Variants in AOAH observed in about 807,000 individuals in gnomAD.
AOAH encodes the protein acyloxyacyl hydrolase, also known as acyloxyacyl hydrolase (neutrophil).
In AOAH, 64 loss-of-function variants were observed where a neutral mutation model predicts 92.2. The observed-to-expected ratio is 0.69, with a 90% CI of 0.57 to 0.86. The LOEUF (loss-of-function observed/expected upper bound fraction) is 0.86, where lower values mean the gene tolerates loss of function less well. AOAH is among the 40% of genes least tolerant of loss of function. The pLI is 0.00. For synonymous variants in AOAH, 263 were observed against 254.5 expected (o/e 1.03, Z -0.32); for missense variants, 656 against 694.6 (o/e 0.94, Z 0.62).
At chr7:36,520,281 G>C (rs1267442241) in intron 20 of AOAH, among the ~76,000 whole-genome samples, 1 of 152,198 alleles carries the variant, frequency 6.6e-6, no homozygotes, top group Non-Finnish European at 1.5e-5. Context: ...AGCTGTCTTT[G>C]ATCCTCCTCT....
chr7:36,533,501 C>G (rs1463268251), intron 16 of AOAH, among the ~76,000 whole-genome samples: 2 of 152,144 alleles, frequency 1.3e-5, no homozygotes, highest in Non-Finnish European at 2.9e-5. Flanking sequence ...CCACTAAAGT[C>G]ACAGTGACCC....
In AOAH at chr7:36,516,046, C is replaced by T. The variant is rs1783677300; in HGVS notation, c.1600-2666G>A. On this transcript the variant is annotated intron_variant, in intron 20 of 20. Transcript: ENST00000617537. The surrounding 1 kb of genome is among the most constrained non-coding windows in gnomAD (Gnocchi z 5.0). ...ACACAACACATAAATACGTCACACA[C>T]ACACACACCACACACTACACACACC... Among the ~76,000 whole-genome samples, 1 of 149,984 alleles carries T rather than the reference C, an allele frequency of 6.7e-6. No individual in the cohort carries two copies.
chr7:36,573,986 T>C (rs1178109314), intron 13 of AOAH, among the ~76,000 whole-genome samples: 1 of 152,116 alleles, frequency 6.6e-6, no homozygotes, highest in Non-Finnish European at 1.5e-5. Flanking sequence ...AATAAAAACC[T>C]TGGAGAGTAA....
chr7:36,534,335 C>T (rs1172974170), intron 16 of AOAH, among the ~76,000 whole-genome samples: 1 of 152,222 alleles, frequency 6.6e-6, no homozygotes, highest in East Asian at 1.9e-4. Flanking sequence ...CGCCTGGCTC[C>T]ACCTCCAGCT....
intron 11 of AOAH, among the ~76,000 whole-genome samples, chr7:36,598,776 C>T (rs559887006): frequency 6.6e-6 from 1 of 152,062 alleles, no homozygotes; most frequent in Non-Finnish European, 1.5e-5. Flanking sequence ...TAGACCCTAG[C>T]AAAAAGAGAA....
intron 1 of AOAH, among the ~76,000 whole-genome samples, chr7:36,723,229 C>T (rs1258253994): frequency 6.6e-6 from 1 of 152,056 alleles, no homozygotes; most frequent in East Asian, 1.9e-4. Context: ...GTCTATGTGG[C>T]TCCATGGACT....
intron 2 of AOAH, among the ~76,000 whole-genome samples, chr7:36,678,600 T>TGTGTGTGTGTGTGTGTGTGCGCGCGC (rs549317369): frequency 1.1e-4 from 14 of 131,094 alleles, no homozygotes; most frequent in Admixed American, 3.1e-4. Flanking sequence ...TGTGTGTGTG[T>TGTGTGTGTGTGTGTGTGTGCGCGCGC]GCGCGCGCGC....
At chr7:36,596,932 A>G (rs1264881282) in intron 11 of AOAH, among the ~76,000 whole-genome samples, 2 of 152,194 alleles carry the variant, frequency 1.3e-5, no homozygotes, top group Non-Finnish European at 2.9e-5. Flanking sequence ...CCTAGAACAA[A>G]CAAATGTGTT....
intron 19 of AOAH, among the ~76,000 whole-genome samples, chr7:36,529,402 G>A (rs1402307113): frequency 6.6e-6 from 1 of 152,184 alleles, no homozygotes. Context: ...TTATCAAAAT[G>A]TCTCTCCCCA....
chr7:36,679,412 A>C (rs1272418814), intron 2 of AOAH, among the ~76,000 whole-genome samples: 1 of 151,492 alleles, frequency 6.6e-6, no homozygotes, highest in East Asian at 1.9e-4. Flanking sequence ...AGAGAGCTTA[A>C]GATCACAACA....
chr7:36,608,250 C>A (rs1194428463), intron 11 of AOAH, among the ~76,000 whole-genome samples: 1 of 152,236 alleles, frequency 6.6e-6, no homozygotes, highest in Non-Finnish European at 1.5e-5. Context: ...GGGGGAAGCA[C>A]ACTTACCTTC....
At chr7:36,530,941 T>A (rs115605311) in intron 18 of AOAH, among the ~76,000 whole-genome samples, 296 of 152,326 alleles carry the variant, frequency 1.9e-3, no homozygotes, top group African/African-American at 6.6e-3. Context: ...GAAATTGAGA[T>A]GTACACAGAG....
rs1783722831 is a variant in AOAH at position 36,516,470 on chromosome 7, CA to C, written c.1600-3091del. Among the ~76,000 whole-genome samples the C allele has an allele frequency of 4.2e-5, 2 of 48,192 alleles. 1 individual carries two copies. The highest frequency in any genetic ancestry group is 9.7e-5 in the Non-Finnish European group (2 of 20,528). 31.6% of individuals were successfully genotyped at this position (48,192 alleles called of 152,430 possible). On this transcript the variant is annotated intron_variant, in intron 20 of 20. Coordinates refer to ENST00000617537, the MANE Select transcript of AOAH (RefSeq NM_001637.4). This position sits in a 1 kb window ranked among gnomAD's most constrained non-coding sequence, Gnocchi z 5.0. ...ACACACACAGAAAGTGCACGGATAC[CA>C]CACACACACACACACAGAAAGCGCA...
chr7:36,657,791 A>G (rs1794978319), intron 4 of AOAH, among the ~76,000 whole-genome samples: 1 of 152,242 alleles, frequency 6.6e-6, no homozygotes, highest in African/African-American at 2.4e-5. Context: ...TAGGAAGACA[A>G]GGACATGAAA....
chr7:36,621,559 G>A (rs767925040), intron 8 of AOAH, 151 bp downstream of exon 8: 28 of 803,124 alleles, frequency 3.5e-5, no homozygotes, highest in Admixed American at 6.3e-5. Flanking sequence ...AATGAATGCC[G>A]TTCTTTTTTC....
intron 11 of AOAH, among the ~76,000 whole-genome samples, chr7:36,602,279 T>C (rs1790668453): frequency 6.6e-6 from 1 of 152,154 alleles, no homozygotes; most frequent in South Asian, 2.1e-4. Context: ...CAGCTCCTCT[T>C]AGTTTCTTTC....
chr7:36,681,868 A>G (rs1033177095), intron 2 of AOAH, among the ~76,000 whole-genome samples: 12 of 152,190 alleles, frequency 7.9e-5, no homozygotes, highest in African/African-American at 2.9e-4. Context: ...GAAAGCAGTT[A>G]CCACAAAGCT....
Position 36,513,178 on chromosome 7 carries a change from A to G in AOAH, c.*74T>C, listed in dbSNP as rs116009588. 3.6e-3 allele frequency: 5,858 copies of G among 1,613,724 alleles called. 208 individuals are homozygous for G. In the African/African-American group the frequency reaches 0.069, roughly 19 times the overall value. ...TTGGGCCTGTGACGTGGCAGCCCCC[A>G]TAGGGTTTGTGGAATGAGTTTACCC... On this transcript the variant is annotated 3_prime_UTR_variant, in exon 21 of 21. Coordinates refer to ENST00000617537, the MANE Select transcript of AOAH (RefSeq NM_001637.4).
chr7:36,615,727 G>A (rs1791824303), intron 11 of AOAH, among the ~76,000 whole-genome samples: 1 of 152,170 alleles, frequency 6.6e-6, no homozygotes. Context: ...GCCATTATAT[G>A]TCTACCCCAT....
Sources: gnomAD v4.1 joint callset for allele counts (sites outside exome capture counted in the v4.1 genomes callset) on GRCh38, gnomAD v4.1.1 for gene constraint, Gnocchi (gnomAD v3.1) non-coding constraint, MANE v1.5 for transcripts, NCBI Gene and HGNC (gene_info 2026-07-23, HGNC 2026-07-21) for gene names.